OR7E24: variants seen among roughly 807,000 people sequenced by gnomAD.
OR7E24 encodes olfactory receptor family 7 subfamily E member 24, also known as olfactory receptor 7E24.
For synonymous variants in OR7E24, 130 were observed against 157.5 expected, an observed-to-expected ratio of 0.83 and a Z score of 1.31; for missense variants, 385 against 410.3, an observed-to-expected ratio of 0.94 and a Z score of 0.53.
the OR7E24 span, chr19:9,214,275 G>C: frequency 1.9e-6 from 3 of 1,614,122 alleles, no homozygotes; most frequent in Non-Finnish European, 2.5e-6. Flanking sequence ...GTTAGAGCAG[G>C]CCACCTTGAG....
the OR7E24 span, among the ~76,000 whole-genome samples, chr19:9,215,341 CAAAAAAAA>C: frequency 2.4e-5 from 2 of 83,132 alleles, no homozygotes; most frequent in African/African-American, 3.5e-5. Context: ...GACTCCGTCT[CAAAAAAAA>C]AAAAAAAAAA....
chr19:9,206,858 A>ACCT, the OR7E24 span: 1 of 152,216 alleles, frequency 6.6e-6, no homozygotes, highest in African/African-American at 2.4e-5. Flanking sequence ...CGAGCCCTCA[A>ACCT]CCTTGGCTTT....
chr19:9,210,972 T>G, the OR7E24 span: 1 of 152,268 alleles, frequency 6.6e-6, no homozygotes, highest in Non-Finnish European at 1.5e-5. Context: ...ATGTGCCAGT[T>G]CTACAGCATG....
chr19:9,245,270 C>T (rs150427108), upstream of OR7E24, among the ~76,000 whole-genome samples: 585 of 151,836 alleles, frequency 3.9e-3, 2 homozygotes, highest in African/African-American at 0.013. Flanking sequence ...CTCTAAAGAA[C>T]ATATGCAAAT....
the OR7E24 span, among the ~76,000 whole-genome samples, chr19:9,221,412 G>GC: frequency 5.2e-5 from 6 of 115,706 alleles, no homozygotes; most frequent in Admixed American, 4.1e-4. Flanking sequence ...ATGCAGTGGC[G>GC]CGATCTCCGC....
upstream of OR7E24, among the ~76,000 whole-genome samples, chr19:9,244,224 G>A (rs1170658015): frequency 6.6e-6 from 1 of 152,092 alleles, no homozygotes; most frequent in Admixed American, 6.6e-5. Context: ...ACAATTCTAA[G>A]GTAAATTGAA....
chr19:9,214,339 T>C, the OR7E24 span: 1 of 1,613,876 alleles, frequency 6.2e-7, no homozygotes, highest in Admixed American at 1.7e-5. Context: ...GTGGAGAAGG[T>C]CAACCTCTTC....
the OR7E24 span, among the ~76,000 whole-genome samples, chr19:9,242,049 T>C: frequency 6.6e-6 from 1 of 152,204 alleles, no homozygotes; most frequent in African/African-American, 2.4e-5. Context: ...AGTGCTGATA[T>C]GATGACATGC....
At chr19:9,206,944 C>A in the OR7E24 span, 1 of 152,122 alleles carries the variant, frequency 6.6e-6, no homozygotes, top group Non-Finnish European at 1.5e-5. Flanking sequence ...TTACTTGAAC[C>A]TGTGTGGGTC....
At chr19:9,214,533 T>C in the OR7E24 span, 1 of 1,614,064 alleles carries the variant, frequency 6.2e-7, no homozygotes. Flanking sequence ...CATTAAAAAA[T>C]ACACCTGAGT....
At chr19:9,224,725 A>G in the OR7E24 span, among the ~76,000 whole-genome samples, 2 of 151,936 alleles carry the variant, frequency 1.3e-5, no homozygotes, top group African/African-American at 4.8e-5. Context: ...GAATCGTGCC[A>G]CTGCACTTCA....
chr19:9,242,573 C>CT (rs2066119207), upstream of OR7E24, among the ~76,000 whole-genome samples: 1 of 152,116 alleles, frequency 6.6e-6, no homozygotes, highest in Non-Finnish European at 1.5e-5. Context: ...TTTGACATGT[C>CT]TTTTCTCATT....
the OR7E24 span, among the ~76,000 whole-genome samples, chr19:9,225,377 A>AGGAAGGAGG: frequency 1.4e-5 from 2 of 140,828 alleles, no homozygotes; most frequent in African/African-American, 5.1e-5. Flanking sequence ...GAAGGAAAGA[A>AGGAAGGAGG]GGAAGGAAGG....
the OR7E24 span, among the ~76,000 whole-genome samples, chr19:9,224,122 T>C: frequency 6.6e-6 from 1 of 151,788 alleles, no homozygotes; most frequent in Admixed American, 6.6e-5. Context: ...AGTGCTGGGA[T>C]TACAGGTGTG....
At chr19:9,216,751 C>G in the OR7E24 span, among the ~76,000 whole-genome samples, 9 of 152,104 alleles carry the variant, frequency 5.9e-5, no homozygotes, top group Non-Finnish European at 1.3e-4. Context: ...ACCACCATGC[C>G]CAGCTAATTT....
At chr19:9,232,835 CT>C in the OR7E24 span, among the ~76,000 whole-genome samples, 2 of 150,632 alleles carry the variant, frequency 1.3e-5, no homozygotes, top group African/African-American at 5.0e-5. Flanking sequence ...AATGACACTG[CT>C]TCCACTAAGT....
the OR7E24 span, among the ~76,000 whole-genome samples, chr19:9,229,544 AAGAAAG>A: frequency 1.4e-5 from 2 of 147,106 alleles, no homozygotes; most frequent in African/African-American, 5.1e-5. Context: ...CAAAAAAAAA[AAGAAAG>A]AAAGAAAAGA....
rs1568336141 is a variant in OR7E24 at position 9,251,361 on chromosome 19, CA to C, written c.307del (p.Ser103AlafsTer10). On this transcript the variant is annotated frameshift_variant, in exon 2 of 2. Coordinates refer to the OR7E24 transcript ENST00000641946. LOFTEE classifies it low-confidence loss of function (END_TRUNC). The stretch of plus-strand genomic sequence containing the variant: ...AGATGATTGTGGACATGCAAACTCA[CA>C]GCAGAGTCATCTCCTATGAAGGCTG... 6.2e-7 allele frequency: 1 copy of C among 1,614,060 alleles called. No individual in the cohort carries two copies. Among genetic ancestry groups the C allele is most frequent in the South Asian group, 1.1e-5 (1 of 91,086 alleles).
upstream of OR7E24, chr19:9,247,333 C>T: frequency 2.5e-6 from 1 of 396,504 alleles, no homozygotes; most frequent in Non-Finnish European, 4.4e-6. Context: ...ATGCCTCCAG[C>T]CCTGCAGTGT....
Sources: allele counts gnomAD v4.1 joint callset (sites outside exome capture counted in the v4.1 genomes callset), GRCh38; gene constraint gnomAD v4.1.1; transcripts MANE v1.5; gene names NCBI Gene and HGNC (gene_info 2026-07-23, HGNC 2026-07-21).